The following MORC1 variants were observed in gnomAD, a reference collection of about 807,000 sequenced individuals.
The protein encoded by MORC1 is MORC family CW-type zinc finger 1.
MORC1 carries 59 observed loss-of-function variants against 134.9 expected under a neutral mutation model. The ratio of observed to expected loss-of-function variants is 0.44; its 90% CI spans 0.35 to 0.54. The LOEUF (loss-of-function observed/expected upper bound fraction) is 0.54, where lower values mean the gene tolerates loss of function less well. Among genes scored for constraint, MORC1 ranks in the 20% least tolerant of loss-of-function variants. The pLI is 0.00. For missense variants in MORC1, 947 were observed against 1,134.5 expected, an observed-to-expected ratio of 0.83 and a Z score of 2.37; for synonymous variants, 395 against 391.7, an observed-to-expected ratio of 1.01 and a Z score of -0.10.
chr3:109,093,326 A>G (rs1029823748), intron 8 of MORC1, 110 bp downstream of exon 8: 4 of 735,826 alleles, frequency 5.4e-6, no homozygotes, highest in South Asian at 1.9e-5. Context: ...GGTAAGATGA[A>G]TTGTCCCAGT....
intron 2 of MORC1, among the ~76,000 whole-genome samples, chr3:109,112,147 C>T (rs181365625): frequency 5.3e-5 from 8 of 152,240 alleles, no homozygotes; most frequent in South Asian, 2.1e-4. Flanking sequence ...AGCACTTCCA[C>T]GGATTAAGGC....
At chr3:109,017,165 GCAAT>G (rs3054414) in intron 17 of MORC1, among the ~76,000 whole-genome samples, 63,898 of 151,636 alleles carry the variant, frequency 0.42, 14,111 homozygotes, top group Middle Eastern at 0.55. Context: ...GCTGAGCTTG[GCAAT>G]CAATCGCCTT....
At chr3:109,045,172 G>A (rs931991282) in intron 14 of MORC1, among the ~76,000 whole-genome samples, 1 of 152,110 alleles carries the variant, frequency 6.6e-6, no homozygotes, top group Non-Finnish European at 1.5e-5. Context: ...CCTGGAGAAT[G>A]TTAAATCAGT....
intron 24 of MORC1, among the ~76,000 whole-genome samples, chr3:108,978,032 C>G: frequency 6.6e-6 from 1 of 152,136 alleles, no homozygotes; most frequent in East Asian, 1.9e-4. Flanking sequence ...CGCCTGCCAC[C>G]CTGACTGGCT....
chr3:109,027,111 C>T (rs542704996), intron 17 of MORC1, among the ~76,000 whole-genome samples: 42 of 152,234 alleles, frequency 2.8e-4, no homozygotes, highest in South Asian at 1.7e-3. Flanking sequence ...GCTACAACTG[C>T]TATTTGAGGA....
intron 25 of MORC1, among the ~76,000 whole-genome samples, chr3:108,971,042 G>A (rs1947364035): frequency 6.6e-6 from 1 of 152,136 alleles, no homozygotes; most frequent in Non-Finnish European, 1.5e-5. Context: ...TGTATCTAAG[G>A]AACAGAAACT....
chr3:109,099,962 G>A (rs1242603309), intron 5 of MORC1, among the ~76,000 whole-genome samples: 1 of 152,156 alleles, frequency 6.6e-6, no homozygotes, highest in Non-Finnish European at 1.5e-5. Flanking sequence ...GTCAGTTATG[G>A]GCCGGGCGTG....
chr3:109,103,915 C>A lies in MORC1; in HGVS notation c.157G>T (p.Asp53Tyr). ...AATCCCCCCTGCAGTTTTTCATTAT[C>A]CACTGTAAGAGAAAGCAGTTATTAC... ...GAERLDVFSV[D>Y]NEKLQGGFML... Residue 53 changes from aspartate (D) to tyrosine (Y), a missense_variant and splice_region_variant, in exon 4 of 28, where the codon GAT (aspartate) becomes TAT (tyrosine). By Grantham distance (160) the Asp-to-Tyr change is radical (BLOSUM62 -3). This residue lies in a region of MORC1 where 214 missense variants were observed against 281.3 expected (regional missense o/e 0.76). Coordinates refer to ENST00000232603, the MANE Select transcript of MORC1 (RefSeq NM_014429.4). 1 of 1,613,328 alleles carries A rather than the reference C, an allele frequency of 6.2e-7. No homozygotes were observed.
chr3:109,030,063 T>C (rs1322643770), intron 16 of MORC1, among the ~76,000 whole-genome samples: 3 of 152,220 alleles, frequency 2.0e-5, no homozygotes, highest in African/African-American at 4.8e-5. Flanking sequence ...AAGTTCTAGT[T>C]ACACATTGTT....
chr3:109,099,347 T>G lies in MORC1; in HGVS notation c.423+11A>C. 5 of 1,587,042 alleles carry G rather than the reference T, an allele frequency of 3.2e-6. No individual in the cohort carries two copies. Among genetic ancestry groups the G allele is most frequent in the Non-Finnish European group, 4.3e-6 (5 of 1,164,302 alleles). On this transcript the variant is annotated intron_variant, in intron 6 of 27. Transcript: ENST00000232603. ...TTGCTATGGGAACAGAAGGAAAACTTCAACTCTTACCTCACTAAGACTTTC... is the reference window on the plus strand; with the variant it reads ...TTGCTATGGGAACAGAAGGAAAACTGCAACTCTTACCTCACTAAGACTTTC...
chr3:109,041,802 T>C (rs1949559293), intron 14 of MORC1, among the ~76,000 whole-genome samples: 1 of 152,034 alleles, frequency 6.6e-6, no homozygotes. Flanking sequence ...GCTGAGATCG[T>C]GCCATTGCAC....
chr3:108,978,335 A>G (rs1298185332), intron 24 of MORC1, among the ~76,000 whole-genome samples: 1 of 152,170 alleles, frequency 6.6e-6, no homozygotes, highest in Non-Finnish European at 1.5e-5. Context: ...TCATTGCTCC[A>G]TCAACAACTT....
intron 21 of MORC1, among the ~76,000 whole-genome samples, chr3:108,996,738 T>G (rs1399155888): frequency 6.7e-6 from 1 of 150,280 alleles, no homozygotes; most frequent in Non-Finnish European, 1.5e-5. Flanking sequence ...CGGCCGGGAG[T>G]AGTGGCTCAT....
At chr3:108,991,971 G>A (rs1160691876) in intron 21 of MORC1, among the ~76,000 whole-genome samples, 3 of 151,972 alleles carry the variant, frequency 2.0e-5, no homozygotes, top group Non-Finnish European at 4.4e-5. Context: ...TCCATCCTAC[G>A]TGTTTTTGTT....
In MORC1 at chr3:109,099,216, A is replaced by G. The variant is rs1483139975; in HGVS notation, c.423+142T>C. The G allele has an allele frequency of 3.4e-5, 20 of 596,472 alleles. No homozygotes were observed. The East Asian group carries it at 5.2e-4, about 15-fold the overall frequency. 36.9% of individuals were successfully genotyped at this position (596,472 alleles called of 1,614,324 possible). A position where few individuals can be genotyped will look rare whatever the true frequency, so the allele number is the denominator to read the frequency against. ...TCTTTGATGTCCCCAGAATGTCTTGATACCTTCTCTCCATTTCCCAAACAT... is the reference window on the plus strand; with the variant it reads ...TCTTTGATGTCCCCAGAATGTCTTGGTACCTTCTCTCCATTTCCCAAACAT... On this transcript the variant is annotated intron_variant, in intron 6 of 27. Transcript: ENST00000232603.
In MORC1 at chr3:109,105,678, C is replaced by CA. The variant is rs5851645; in HGVS notation, c.155-1762dup. The stretch of plus-strand genomic sequence containing the variant: ...TGGGCAACAGAGAGAGACCCTGTCT[C>CA]AAAAAAAAAAAAAAAAGTCACCTAG... On this transcript the variant is annotated intron_variant, in intron 3 of 27. Transcript: ENST00000232603. 6.8e-3 allele frequency among the ~76,000 whole-genome samples: 900 copies of CA among 131,392 alleles called. 5 individuals carry two copies. Among genetic ancestry groups the CA allele is most frequent in the African/African-American group, 0.022 (782 of 34,762 alleles). 86.2% of individuals were successfully genotyped at this position (131,392 alleles called of 152,430 possible).
intron 8 of MORC1, among the ~76,000 whole-genome samples, chr3:109,071,025 C>G (rs1950304957): frequency 6.6e-6 from 1 of 152,102 alleles, no homozygotes; most frequent in Non-Finnish European, 1.5e-5. Context: ...TGTCTGTATT[C>G]GAGTGTTGCA....
At chr3:109,020,383 C>A (rs1948927075) in intron 17 of MORC1, among the ~76,000 whole-genome samples, 1 of 152,236 alleles carries the variant, frequency 6.6e-6, no homozygotes, top group African/African-American at 2.4e-5. Flanking sequence ...GTCAGGAGAC[C>A]TTACACCCTG....
chr3:109,036,199 G>A (rs1213832485), intron 14 of MORC1, among the ~76,000 whole-genome samples: 1 of 152,104 alleles, frequency 6.6e-6, no homozygotes, highest in African/African-American at 2.4e-5. Context: ...TGGAACAGTG[G>A]GAAACCTTTA....
Sources: allele counts gnomAD v4.1 joint callset (sites outside exome capture counted in the v4.1 genomes callset), GRCh38; gene constraint gnomAD v4.1.1; regional missense constraint gnomAD v4.1.1; transcripts MANE v1.5; gene names NCBI Gene and HGNC (gene_info 2026-07-23, HGNC 2026-07-21).